The following LRRTM4 variants were observed in gnomAD, a reference collection of about 807,000 sequenced individuals.
The protein encoded by LRRTM4 is leucine rich repeat transmembrane neuronal 4.
In LRRTM4, 25 loss-of-function variants were observed where a neutral mutation model predicts 47.6. That is an observed-to-expected ratio of 0.53 (90% CI 0.38 to 0.73). LRRTM4 has a LOEUF of 0.73. Among genes scored for constraint, LRRTM4 ranks in the 30% least tolerant of loss-of-function variants. The pLI is 0.00. For synonymous variants in LRRTM4, 311 were observed against 269.5 expected (o/e 1.15, Z -1.51); for missense variants, 638 against 713.4 (o/e 0.89, Z 1.20).
At chr2:77,071,357 G>A (rs992629478) in intron 3 of LRRTM4, among the ~76,000 whole-genome samples, 1 of 152,028 alleles carries the variant, frequency 6.6e-6, no homozygotes, top group Admixed American at 6.6e-5. Flanking sequence ...ACCTTCACAT[G>A]CTTATTAAAT....
intron 3 of LRRTM4, among the ~76,000 whole-genome samples, chr2:76,967,974 T>C (rs1027950469): frequency 1.3e-5 from 2 of 151,568 alleles, no homozygotes; most frequent in Non-Finnish European, 3.0e-5. Context: ...GGTTGGCAAA[T>C]ATAAAGACAA....
chr2:77,359,694 A>T (rs1008285448), intron 3 of LRRTM4, among the ~76,000 whole-genome samples: 4 of 152,192 alleles, frequency 2.6e-5, no homozygotes, highest in Admixed American at 2.6e-4. Context: ...CAAGGATTGA[A>T]TCTTGGATCT....
chr2:76,827,922 G>T (rs1671232589), intron 3 of LRRTM4, among the ~76,000 whole-genome samples: 1 of 151,746 alleles, frequency 6.6e-6, no homozygotes, highest in Admixed American at 6.6e-5. Context: ...GTCTGGTTTG[G>T]GAAGACAATA....
chr2:77,235,447 A>G (rs943837405), intron 3 of LRRTM4, among the ~76,000 whole-genome samples: 1 of 151,828 alleles, frequency 6.6e-6, no homozygotes, highest in African/African-American at 2.4e-5. Flanking sequence ...TTTTTGATGC[A>G]TAGTTGTGAA....
At chr2:76,870,065 T>G (rs1698448244) in intron 3 of LRRTM4, among the ~76,000 whole-genome samples, 3 of 152,270 alleles carry the variant, frequency 2.0e-5, no homozygotes, top group Middle Eastern at 6.8e-3. Context: ...TTAACAGTCT[T>G]GTCCTTTGAG....
At chr2:77,278,737 C>A (rs1676432462) in intron 3 of LRRTM4, among the ~76,000 whole-genome samples, 1 of 151,870 alleles carries the variant, frequency 6.6e-6, no homozygotes, top group African/African-American at 2.4e-5. Context: ...CTTACTTTAC[C>A]AATTTGTACA....
chr2:77,089,483 T>C (rs1680854092), intron 3 of LRRTM4, among the ~76,000 whole-genome samples: 1 of 151,616 alleles, frequency 6.6e-6, no homozygotes, highest in African/African-American at 2.4e-5. Context: ...CCCGACCTCT[T>C]ATTTCTGCGC....
chr2:77,351,639 T>TATATATATATATAG (rs1671782728), intron 3 of LRRTM4, among the ~76,000 whole-genome samples: 1 of 147,962 alleles, frequency 6.8e-6, no homozygotes, highest in Non-Finnish European at 1.5e-5. Context: ...TATATATATA[T>TATATATATATATAG]AGTTAATGTG....
intron 3 of LRRTM4, among the ~76,000 whole-genome samples, chr2:76,979,097 C>T (rs960214634): frequency 1.3e-5 from 2 of 151,918 alleles, no homozygotes; most frequent in Non-Finnish European, 1.5e-5. Flanking sequence ...ATACCTTGCC[C>T]ACATTTAGTG....
intron 3 of LRRTM4, among the ~76,000 whole-genome samples, chr2:76,918,330 T>C (rs977991660): frequency 6.6e-6 from 1 of 152,226 alleles, no homozygotes; most frequent in Non-Finnish European, 1.5e-5. Context: ...AAGTTTTTAC[T>C]TGAGGTGTAA....
chr2:76,955,561 C>G (rs919929290), intron 3 of LRRTM4, among the ~76,000 whole-genome samples: 1 of 151,716 alleles, frequency 6.6e-6, no homozygotes, highest in East Asian at 1.9e-4. Context: ...TACAAGACAG[C>G]GATATGAACT....
intron 3 of LRRTM4, among the ~76,000 whole-genome samples, chr2:76,771,943 G>A (rs1199973548): frequency 6.6e-6 from 1 of 152,100 alleles, no homozygotes; most frequent in Non-Finnish European, 1.5e-5. Context: ...AAAAGAGAGG[G>A]ATAATAAACC....
intron 3 of LRRTM4, among the ~76,000 whole-genome samples, chr2:76,926,748 T>C (rs1298164910): frequency 6.6e-6 from 1 of 152,150 alleles, no homozygotes; most frequent in Non-Finnish European, 1.5e-5. Flanking sequence ...CCACTCTTTC[T>C]TGGACTTTCT....
intron 3 of LRRTM4, among the ~76,000 whole-genome samples, chr2:77,182,950 C>T (rs1194394582): frequency 2.0e-5 from 3 of 152,164 alleles, no homozygotes; most frequent in Non-Finnish European, 4.4e-5. Context: ...GGATTAAAGA[C>T]TTACATGTTA....
chr2:76,949,260 G>A (rs80278730), intron 3 of LRRTM4, among the ~76,000 whole-genome samples: 1 of 151,812 alleles, frequency 6.6e-6, no homozygotes, highest in Admixed American at 6.6e-5. Flanking sequence ...TCAAATAAAT[G>A]AATAGTTATC....
intron 3 of LRRTM4, among the ~76,000 whole-genome samples, chr2:77,162,648 C>T (rs1160266277): frequency 6.6e-6 from 1 of 152,110 alleles, no homozygotes; most frequent in Non-Finnish European, 1.5e-5. Flanking sequence ...CAGGCAGCAA[C>T]ATTTGCCATT....
At chr2:76,771,512 C>G (rs1361721688) in intron 3 of LRRTM4, among the ~76,000 whole-genome samples, 6 of 152,092 alleles carry the variant, frequency 3.9e-5, no homozygotes, top group African/African-American at 9.7e-5. Flanking sequence ...GAGCTCCCAC[C>G]ACTTTTTTAA....
intron 3 of LRRTM4, among the ~76,000 whole-genome samples, chr2:77,511,951 T>C (rs1481767877): frequency 6.6e-6 from 1 of 152,112 alleles, no homozygotes; most frequent in African/African-American, 2.4e-5. Flanking sequence ...TCATATATTT[T>C]TATTTGTATG....
chr2:77,006,015 A>T (rs1677630517), intron 3 of LRRTM4, among the ~76,000 whole-genome samples: 1 of 152,206 alleles, frequency 6.6e-6, no homozygotes, highest in Non-Finnish European at 1.5e-5. Context: ...CAGGATTTAA[A>T]CTCAAATCTG....
Sources: allele counts gnomAD v4.1 joint callset (sites outside exome capture counted in the v4.1 genomes callset), GRCh38; gene constraint gnomAD v4.1.1; transcripts MANE v1.5; gene names NCBI Gene and HGNC (gene_info 2026-07-23, HGNC 2026-07-21).